GPHN: variants seen among roughly 807,000 people sequenced by gnomAD.
GPHN encodes gephyrin.
In GPHN, 17 loss-of-function variants were observed where a neutral mutation model predicts 95.5. The observed-to-expected ratio is 0.18, with a 90% CI of 0.12 to 0.27. The LOEUF is 0.27. Among genes scored for constraint, GPHN ranks in the 10% least tolerant of loss-of-function variants. GPHN has a pLI of 1.00. For synonymous variants in GPHN, 320 were observed against 322.5 expected (o/e 0.99, Z 0.08); for missense variants, 660 against 978.1 (o/e 0.67, Z 4.34).
At chr14:67,129,148 C>G (rs2079527299) in intron 17 of GPHN, among the ~76,000 whole-genome samples, 1 of 151,548 alleles carries the variant, frequency 6.6e-6, no homozygotes, top group African/African-American at 2.4e-5. Context: ...TTCTGAAATA[C>G]TTGAATATTT....
intron 2 of GPHN, among the ~76,000 whole-genome samples, chr14:66,700,248 G>A (rs888507469): frequency 4.6e-5 from 7 of 152,086 alleles, no homozygotes; most frequent in African/African-American, 1.4e-4. Context: ...AGATTGAGGT[G>A]GGACTATACA....
chr14:67,072,364 G>A (rs2076344421), intron 11 of GPHN, among the ~76,000 whole-genome samples: 1 of 152,084 alleles, frequency 6.6e-6, no homozygotes. Flanking sequence ...TTAGGTGACA[G>A]TAAAGGATTT....
At chr14:67,433,990 C>T in the GPHN span, among the ~76,000 whole-genome samples, 1 of 152,046 alleles carries the variant, frequency 6.6e-6, no homozygotes, top group Non-Finnish European at 1.5e-5. Context: ...CCTTTTGTGC[C>T]ACAGAATGTA....
At chr14:67,691,005 C>A in the GPHN span, 1 of 671,152 alleles carries the variant, frequency 1.5e-6, no homozygotes, top group Admixed American at 2.2e-5. Context: ...TCAGGTAGGA[C>A]CAAACTATTA....
the GPHN span, among the ~76,000 whole-genome samples, chr14:67,546,268 A>G: frequency 2.0e-5 from 3 of 152,244 alleles, no homozygotes; most frequent in Non-Finnish European, 4.4e-5. Flanking sequence ...TTTCTTAAAG[A>G]CAAACATCAG....
At chr14:66,949,271 GACAGGGTCTC>G (rs1268997048) in intron 8 of GPHN, among the ~76,000 whole-genome samples, 2 of 152,068 alleles carry the variant, frequency 1.3e-5, no homozygotes, top group Non-Finnish European at 2.9e-5. Context: ...TTTTAGTAGA[GACAGGGTCTC>G]ACCATGTTAG....
At chr14:66,960,850 A>G (rs2068854072) in intron 8 of GPHN, among the ~76,000 whole-genome samples, 2 of 152,138 alleles carry the variant, frequency 1.3e-5, no homozygotes, top group Admixed American at 1.3e-4. Context: ...GGAGCTTTTC[A>G]GAGTCCTTAT....
the GPHN span, among the ~76,000 whole-genome samples, chr14:67,484,327 C>A: frequency 6.6e-6 from 1 of 152,190 alleles, no homozygotes; most frequent in Non-Finnish European, 1.5e-5. Flanking sequence ...TGAGTGGGCC[C>A]AAACAGGCCC....
intron 3 of GPHN, among the ~76,000 whole-genome samples, chr14:66,784,251 A>G (rs1166783318): frequency 6.6e-6 from 1 of 152,216 alleles, no homozygotes; most frequent in African/African-American, 2.4e-5. Flanking sequence ...GGGGCAACAG[A>G]CGGAAGTGGC....
chr14:67,338,931 T>A, the GPHN span, among the ~76,000 whole-genome samples: 5 of 151,846 alleles, frequency 3.3e-5, no homozygotes, highest in Non-Finnish European at 7.4e-5. Context: ...TTAAAAAACA[T>A]AATTTTAAGC....
the GPHN span, among the ~76,000 whole-genome samples, chr14:67,331,073 C>G: frequency 6.6e-6 from 1 of 151,582 alleles, no homozygotes; most frequent in Admixed American, 6.6e-5. Context: ...GAGACAGAGT[C>G]TCACTCTGTC....
chr14:66,904,773 T>C (rs2153550714), intron 5 of GPHN, among the ~76,000 whole-genome samples: 1 of 152,240 alleles, frequency 6.6e-6, no homozygotes, highest in African/African-American at 2.4e-5. Context: ...AGTGGGTTGG[T>C]CCAGGGGTCC....
chr14:66,561,751 T>A (rs1273540071), intron 1 of GPHN, among the ~76,000 whole-genome samples: 3 of 152,194 alleles, frequency 2.0e-5, no homozygotes, highest in African/African-American at 7.2e-5. Flanking sequence ...AAAATTACCA[T>A]AAATGTTGTG....
intron 1 of GPHN, among the ~76,000 whole-genome samples, chr14:66,559,713 T>A (rs1284940485): frequency 6.6e-6 from 1 of 151,680 alleles, no homozygotes; most frequent in Non-Finnish European, 1.5e-5. Flanking sequence ...GATGGTAGTT[T>A]CTTTTGCTGT....
intron 17 of GPHN, chr14:67,143,063 A>G (rs1230695171): frequency 2.7e-6 from 1 of 368,478 alleles, no homozygotes; most frequent in Non-Finnish European, 5.2e-6. Context: ...TAGGCAAACC[A>G]GGATAGTTAG....
At chr14:67,695,728 AGCGG>A in the GPHN span, 1 of 1,611,296 alleles carries the variant, frequency 6.2e-7, no homozygotes. Flanking sequence ...GCGGCACCAG[AGCGG>A]GATGCTCCAG....
intron 1 of GPHN, among the ~76,000 whole-genome samples, chr14:66,566,024 A>G (rs1246781338): frequency 3.3e-5 from 5 of 149,992 alleles, no homozygotes; most frequent in African/African-American, 9.9e-5. Context: ...TCTTTCTTAT[A>G]CTATCAGTTT....
intron 4 of GPHN, among the ~76,000 whole-genome samples, chr14:66,849,061 A>G (rs971866513): frequency 1.3e-5 from 2 of 151,950 alleles, no homozygotes; most frequent in Non-Finnish European, 2.9e-5. Context: ...ATAGGTAGGT[A>G]CCACTTTACA....
the GPHN span, among the ~76,000 whole-genome samples, chr14:67,218,504 G>A: frequency 1.3e-5 from 2 of 152,174 alleles, no homozygotes; most frequent in African/African-American, 4.8e-5. Flanking sequence ...CTGCTTGGCA[G>A]CCTGGGGCAT....
Sources: allele counts gnomAD v4.1 joint callset (sites outside exome capture counted in the v4.1 genomes callset), GRCh38; gene constraint gnomAD v4.1.1; transcripts MANE v1.5; gene names NCBI Gene and HGNC (gene_info 2026-07-23, HGNC 2026-07-21).